Variants in RELN observed in about 807,000 individuals in gnomAD.
RELN encodes the protein reelin.
In RELN, 108 loss-of-function variants were observed where a neutral mutation model predicts 427.6. The ratio of observed to expected loss-of-function variants is 0.25; its 90% CI spans 0.22 to 0.30. The LOEUF is 0.30. RELN is among the 10% of genes least tolerant of loss of function. The pLI is 1.00. For synonymous variants in RELN, 1,524 were observed against 1,513.4 expected (o/e 1.01, Z -0.16); for missense variants, 3,715 against 4,302.8 (o/e 0.86, Z 3.82).
At chr7:103,597,774 C>CCTTTG (rs1345917048) in intron 24 of RELN, among the ~76,000 whole-genome samples, 27 of 152,144 alleles carry the variant, frequency 1.8e-4, no homozygotes, top group African/African-American at 6.5e-4. Flanking sequence ...GAACTTGCTT[C>CCTTTG]CTTTGCTTAG....
chr7:103,682,640 T>G (rs1050271731), intron 10 of RELN, among the ~76,000 whole-genome samples: 5 of 152,230 alleles, frequency 3.3e-5, no homozygotes, highest in African/African-American at 1.2e-4. Flanking sequence ...AGCATTGACC[T>G]TTTCAATATT....
At chr7:103,681,397 A>C (rs1833650106) in intron 11 of RELN, among the ~76,000 whole-genome samples, 2 of 152,206 alleles carry the variant, frequency 1.3e-5, no homozygotes, top group African/African-American at 4.8e-5. Flanking sequence ...AATTATATTT[A>C]ATGTTAATAT....
At chr7:103,898,973 G>A (rs1263042128) in intron 2 of RELN, among the ~76,000 whole-genome samples, 2 of 151,860 alleles carry the variant, frequency 1.3e-5, no homozygotes, top group South Asian at 2.1e-4. Flanking sequence ...TAGTCATGAT[G>A]GATTATTCTT....
chr7:103,644,798 T>C (rs1218286074), intron 16 of RELN, among the ~76,000 whole-genome samples: 4 of 151,718 alleles, frequency 2.6e-5, no homozygotes, highest in East Asian at 3.9e-4. Flanking sequence ...GAAAAATACA[T>C]TGTAAGGATG....
At chr7:103,909,858 C>T (rs979921714) in intron 2 of RELN, among the ~76,000 whole-genome samples, 23 of 114,516 alleles carry the variant, frequency 2.0e-4, no homozygotes, top group Non-Finnish European at 3.2e-4. Context: ...TTAAATAATT[C>T]ATTTTGTAAT....
chr7:103,833,301 T>C (rs1280577720), intron 3 of RELN, among the ~76,000 whole-genome samples: 1 of 152,188 alleles, frequency 6.6e-6, no homozygotes, highest in Non-Finnish European at 1.5e-5. Flanking sequence ...TTATTCTGTA[T>C]TTTTGTCAGC....
At chr7:103,543,855 A>G (rs1830226864) in intron 42 of RELN, among the ~76,000 whole-genome samples, 1 of 152,162 alleles carries the variant, frequency 6.6e-6, no homozygotes, top group South Asian at 2.1e-4. Flanking sequence ...CATCACTACT[A>G]CCTAGTTCCA....
At chr7:103,936,743 GACACACACACACACAC>G (rs57505374) in intron 1 of RELN, among the ~76,000 whole-genome samples, 35,595 of 139,608 alleles carry the variant, frequency 0.25, 5,413 homozygotes, top group Non-Finnish European at 0.35. Context: ...CAGACAGACA[GACACACACACACACAC>G]ACACACACAC....
chr7:103,726,093 G>A (rs574873559), intron 7 of RELN, among the ~76,000 whole-genome samples: 3 of 152,176 alleles, frequency 2.0e-5, no homozygotes, highest in Admixed American at 6.5e-5. Context: ...CAATTTTGAC[G>A]GCATTCAGTC....
chr7:103,918,060 G>A (rs894355874), intron 1 of RELN, among the ~76,000 whole-genome samples: 10 of 152,100 alleles, frequency 6.6e-5, no homozygotes, highest in Non-Finnish European at 1.3e-4. Flanking sequence ...TGGCAATAAG[G>A]AGAATGACCA....
Position 103,989,607 on chromosome 7 carries a change from C to G in RELN, c.-251G>C. On this transcript the variant is annotated 5_prime_UTR_variant, in exon 1 of 65. Transcript: ENST00000428762. This position sits in a 1 kb window ranked among gnomAD's most constrained non-coding sequence, Gnocchi z 4.9. ...CGGGCGCCGAGAGCGCGTCGTCTGC[C>G]GCCTCCGTGCGCCGCCGCCGCCTCT... is the stretch of plus-strand genomic sequence containing the variant. 1 of 367,412 alleles carries G rather than the reference C, an allele frequency of 2.7e-6. No homozygotes were observed. Among genetic ancestry groups the G allele is most frequent in the Non-Finnish European group, 4.7e-6 (1 of 211,854 alleles). The allele number at this position is 367,412 out of a possible 1,614,324, so 22.8% of individuals were successfully genotyped here. A position where few individuals can be genotyped will look rare whatever the true frequency, so the allele number is the denominator to read the frequency against.
At chr7:103,836,248 C>A (rs1461197556) in intron 2 of RELN, among the ~76,000 whole-genome samples, 1 of 152,174 alleles carries the variant, frequency 6.6e-6, no homozygotes, top group Non-Finnish European at 1.5e-5. Context: ...GCGTCAGCCA[C>A]CGCACCCGGC....
At chr7:103,572,543 A>G (rs988136298) in intron 30 of RELN, among the ~76,000 whole-genome samples, 1 of 148,254 alleles carries the variant, frequency 6.7e-6, no homozygotes, top group Non-Finnish European at 1.5e-5. Context: ...GTTATAATTT[A>G]TTTTTTTTTT....
chr7:103,566,181 T>C (rs1409594396), intron 33 of RELN, 43 bp downstream of exon 33: 3 of 1,504,906 alleles, frequency 2.0e-6, no homozygotes, highest in East Asian at 2.3e-5. Flanking sequence ...TTTAGTCCTC[T>C]AGTTAATCAG....
At chr7:103,520,492 T>C (rs1020267451) in intron 48 of RELN, among the ~76,000 whole-genome samples, 7 of 152,096 alleles carry the variant, frequency 4.6e-5, no homozygotes, top group Admixed American at 3.3e-4. Context: ...GCCAGGCTGG[T>C]CTTGAACTCC....
intron 4 of RELN, among the ~76,000 whole-genome samples, chr7:103,770,432 AGATGCCCCATGGTTCCC>A (rs1260666162): frequency 1.3e-4 from 20 of 152,108 alleles, no homozygotes; most frequent in African/African-American, 4.8e-4. Flanking sequence ...CCTCTTCTTG[AGATGCCCCATGGTTCCC>A]CCATGGTTTG....
rs189245356 is a variant in RELN, at chr7:103,531,516, G to A, written c.7349+3800C>T. Among the ~76,000 whole-genome samples, 27 of 152,242 alleles carry A rather than the reference G, an allele frequency of 1.8e-4. No individual in the cohort carries two copies. In the East Asian group the frequency reaches 4.8e-3, roughly 27 times the overall value. ...TTCCTAGTTAGGAGCACCAGCATCC[G>A]TTCAGTTTTGCAACTCAAAGACCAG... On this transcript the variant is annotated intron_variant, in intron 46 of 64. Transcript: ENST00000428762.
chr7:103,577,547 C>T lies in RELN; in HGVS notation c.4146-1842G>A, dbSNP rs929838974. Among the ~76,000 whole-genome samples the T allele has an allele frequency of 1.7e-4, 18 of 108,830 alleles. No homozygotes were observed. In the East Asian group the frequency reaches 2.3e-3, roughly 14 times the overall value. The allele number at this position is 108,830 out of a possible 152,430, so 71.4% of individuals were successfully genotyped here. A position where few individuals can be genotyped will look rare whatever the true frequency, so the allele number is the denominator to read the frequency against. On this transcript the variant is annotated intron_variant, in intron 28 of 64. Transcript: ENST00000428762. ...ATTGAATTAAAGAAGTTTAGAAAAA[C>T]AAAGCAAAAGCAAAAAAAAAAAAAA...
At chr7:103,536,865 C>T (rs1252458760) in intron 45 of RELN, among the ~76,000 whole-genome samples, 2 of 152,154 alleles carry the variant, frequency 1.3e-5, no homozygotes, top group Admixed American at 1.3e-4. Flanking sequence ...GTTGTGTCTA[C>T]GGAGCCTGGC....
Sources: allele counts gnomAD v4.1 joint callset (sites outside exome capture counted in the v4.1 genomes callset), GRCh38; gene constraint gnomAD v4.1.1; non-coding constraint Gnocchi (gnomAD v3.1); transcripts MANE v1.5; gene names NCBI Gene and HGNC (gene_info 2026-07-23, HGNC 2026-07-21).